Variants in GTF3C1 observed in about 807,000 individuals in gnomAD.
The protein encoded by GTF3C1 is general transcription factor IIIC subunit 1.
GTF3C1 carries 57 observed loss-of-function variants against 226.7 expected under a neutral mutation model. The observed-to-expected ratio is 0.25, with a 90% CI of 0.20 to 0.31. GTF3C1 has a LOEUF of 0.31. Among genes scored for constraint, GTF3C1 ranks in the 10% least tolerant of loss-of-function variants. The pLI, the probability that GTF3C1 is intolerant of heterozygous loss-of-function variation, is 1.00. For missense variants in GTF3C1, 2,217 were observed against 2,776.1 expected, an observed-to-expected ratio of 0.80 and a Z score of 4.53; for synonymous variants, 1,090 against 1,084.8, an observed-to-expected ratio of 1.00 and a Z score of -0.09.
In GTF3C1 at chr16:27,538,971, T is replaced by TACAC. The variant is rs59679436; in HGVS notation, c.432-619_432-616dup. 4.0e-3 allele frequency among the ~76,000 whole-genome samples: 502 copies of TACAC among 124,608 alleles called. 2 individuals are homozygous for TACAC. The highest frequency in any genetic ancestry group is 6.6e-3 in the East Asian group (28 of 4,222). 81.7% of individuals were successfully genotyped at this position (124,608 alleles called of 152,430 possible). Reference sequence around the variant, plus strand: ...AGAAATGACTATATATACACACATATACACACACACACACACACACACACA... The same window carrying TACAC: ...AGAAATGACTATATATACACACATATACACACACACACACACACACACACACACA... On this transcript the variant is annotated intron_variant, in intron 2 of 36. Transcript: ENST00000356183.
Position 27,471,683 on chromosome 16 carries a change from G to T in GTF3C1, c.4526+65C>A. 1 of 1,297,700 alleles carries T rather than the reference G, an allele frequency of 7.7e-7. No individual in the cohort carries two copies. The highest frequency in any genetic ancestry group is 1.1e-6 in the Non-Finnish European group (1 of 904,210). The allele number at this position is 1,297,700 out of a possible 1,614,324, so 80.4% of individuals were successfully genotyped here. On this transcript the variant is annotated intron_variant, in intron 30 of 36. Coordinates refer to ENST00000356183, the MANE Select transcript of GTF3C1 (RefSeq NM_001520.4). The surrounding 1 kb of genome is among the most constrained non-coding windows in gnomAD (Gnocchi z 5.0). ...CTTTCATGGCCACAGTGCTTCCTTT[G>T]CTCCTCTTTACAGACAGGGCGTGGC...
At chr16:27,535,770 C>T (rs2088991244) in intron 4 of GTF3C1, among the ~76,000 whole-genome samples, 2 of 151,986 alleles carry the variant, frequency 1.3e-5, no homozygotes, top group South Asian at 4.1e-4. Flanking sequence ...ATCGCTTGAG[C>T]CCTGGAGGCA....
rs2228248 is a variant in GTF3C1 at position 27,461,451 on chromosome 16, C to T, written c.6229G>A (p.Glu2077Lys). 0.14 allele frequency: 220,667 copies of T among 1,613,640 alleles called. 16,579 individuals carry two copies. The highest frequency in any genetic ancestry group is 0.17 in the Middle Eastern group (1,041 of 6,060). Residue 2077 changes from glutamate to lysine, a missense_variant, in exon 37 of 37, where the codon GAG (glutamate) becomes AAG (lysine). Glu to Lys is a moderately conservative substitution (Grantham distance 56). Around this residue, in one of 12 missense-constraint regions of GTF3C1, gnomAD observed 153 missense variants for 199.8 expected, o/e 0.77. Transcript: ENST00000356183. The surrounding 1 kb of genome is among the most constrained non-coding windows in gnomAD (Gnocchi z 5.3). ...EEVEVPSSLDESPMAFYEPTL... is the reference protein window; with the variant it reads ...EEVEVPSSLDKSPMAFYEPTL... Reference sequence around the variant, plus strand: ...GGCTCATAGAAAGCCATGGGGCTCTCGTCCAGGCTGGAGGGCACTTCCACC... The same window carrying T: ...GGCTCATAGAAAGCCATGGGGCTCTTGTCCAGGCTGGAGGGCACTTCCACC...
At position 27,465,416 on chromosome 16, in the gene GTF3C1, C is replaced by A; in HGVS notation, c.5199G>T (p.Gly1733=). ...CAGCAGTCAGGTCTTCGGGACTATACCCAGACAGCTCCAGCTGGAGGACAA... is the reference window on the plus strand; with the variant it reads ...CAGCAGTCAGGTCTTCGGGACTATAACCAGACAGCTCCAGCTGGAGGACAA... ...EEFVLQLELS[G]YSPEDLTAAL... The change falls in exon 33 of 37, where the codon GGG becomes GGT. Residue 1733 remains glycine, a synonymous_variant. Coordinates refer to ENST00000356183, the MANE Select transcript of GTF3C1 (RefSeq NM_001520.4). The A allele has an allele frequency of 6.2e-7, 1 of 1,613,976 alleles. No homozygotes were observed. Among genetic ancestry groups the A allele is most frequent in the Non-Finnish European group, 8.5e-7 (1 of 1,179,940 alleles).
At position 27,486,006 on chromosome 16, in the gene GTF3C1, G is replaced by C; in HGVS notation, c.3849C>G (p.Leu1283=). 6.2e-7 allele frequency: 1 copy of C among 1,608,030 alleles called. No homozygotes were observed. Among genetic ancestry groups the C allele is most frequent in the Non-Finnish European group, 8.5e-7 (1 of 1,176,220 alleles). ...LVLCRIASNV[L]NTKVKGPFVT... is the part of the protein sequence containing the mutation. The stretch of plus-strand genomic sequence containing the variant: ...CTGGGCTGGTTGGTACCTTGGTGTT[G>C]AGGACATTGCTGGCAATGCGGCACA... The change falls in exon 24 of 37, where the codon CTC becomes CTG. Residue 1283 remains leucine, a synonymous_variant. Coordinates refer to ENST00000356183, the MANE Select transcript of GTF3C1 (RefSeq NM_001520.4).
intron 20 of GTF3C1, 144 bp from the exon 21 acceptor site, chr16:27,489,322 G>A: frequency 2.3e-6 from 2 of 878,250 alleles, no homozygotes; most frequent in Non-Finnish European, 3.4e-6. Context: ...TGAAGAACTT[G>A]GGGGCCCTAA....
chr16:27,469,184 A>T lies in GTF3C1; in HGVS notation c.5074+107T>A. ...GTTTTTCTGTGTGTTCTGTGGCTGC[A>T]CGCCTGGCCTGGGGAGCCTGAAGGT... On this transcript the variant is annotated intron_variant, in intron 32 of 36. Coordinates refer to ENST00000356183, the MANE Select transcript of GTF3C1 (RefSeq NM_001520.4). This position sits in a 1 kb window ranked among gnomAD's most constrained non-coding sequence, Gnocchi z 4.5. 1.3e-5 allele frequency: 14 copies of T among 1,108,116 alleles called. No individual in the cohort carries two copies. The highest frequency in any genetic ancestry group is 2.6e-5 in the East Asian group (1 of 38,312). The allele number at this position is 1,108,116 out of a possible 1,614,324, so 68.6% of individuals were successfully genotyped here. A position where few individuals can be genotyped will look rare whatever the true frequency, so the allele number is the denominator to read the frequency against.
intron 4 of GTF3C1, among the ~76,000 whole-genome samples, chr16:27,534,780 T>C (rs1190924060): frequency 6.6e-6 from 1 of 152,202 alleles, no homozygotes; most frequent in Non-Finnish European, 1.5e-5. Context: ...GATGCTTCTC[T>C]CTAATACTGT....
At chr16:27,466,919 A>C (rs1271074977) in intron 32 of GTF3C1, among the ~76,000 whole-genome samples, 1 of 152,244 alleles carries the variant, frequency 6.6e-6, no homozygotes, top group Non-Finnish European at 1.5e-5. Flanking sequence ...AGGAAGATGC[A>C]GAAGAAAACT....
intron 13 of GTF3C1, among the ~76,000 whole-genome samples, chr16:27,498,394 G>C (rs2088352683): frequency 6.6e-6 from 1 of 152,320 alleles, no homozygotes; most frequent in Admixed American, 6.5e-5. Context: ...CTATGATGGG[G>C]AGTGCTCTGT....
At chr16:27,548,093 T>C (rs2089189540) in intron 1 of GTF3C1, among the ~76,000 whole-genome samples, 1 of 152,168 alleles carries the variant, frequency 6.6e-6, no homozygotes, top group Admixed American at 6.6e-5. Flanking sequence ...CTAAGGTTTC[T>C]GTAAAAATTA....
chr16:27,527,385 G>A (rs959575823), intron 6 of GTF3C1, among the ~76,000 whole-genome samples: 1 of 152,132 alleles, frequency 6.6e-6, no homozygotes, highest in Non-Finnish European at 1.5e-5. Context: ...GTTTCACCAT[G>A]TTAGCCAGGC....
At chr16:27,503,046 G>C in intron 10 of GTF3C1, 51 bp from the exon 11 acceptor site, 1 of 1,483,936 alleles carries the variant, frequency 6.7e-7, no homozygotes, top group Non-Finnish European at 9.4e-7. Context: ...CAAGGCTTGG[G>C]GGCCACGCAC....
At chr16:27,505,769 C>T (rs554869899) in intron 10 of GTF3C1, 130 bp downstream of exon 10, 3 of 645,758 alleles carry the variant, frequency 4.6e-6, no homozygotes, top group Non-Finnish European at 8.3e-6. Flanking sequence ...CTGGGAAGCA[C>T]AGGCAGGCCT....
At chr16:27,493,749 T>C (rs929269106) in intron 16 of GTF3C1, among the ~76,000 whole-genome samples, 2 of 152,076 alleles carry the variant, frequency 1.3e-5, no homozygotes, top group Non-Finnish European at 2.9e-5. Context: ...TACTCAACAG[T>C]AGTAAGAAAG....
chr16:27,531,392 T>C lies in GTF3C1; in HGVS notation c.849+1899A>G, dbSNP rs570368226. Reference sequence around the variant, plus strand: ...AAATGCCACTTCCCCTCTGTCTATGTGGGGAAAAGCCCAGCTCAACTGTGC... The same window carrying C: ...AAATGCCACTTCCCCTCTGTCTATGCGGGGAAAAGCCCAGCTCAACTGTGC... On this transcript the variant is annotated intron_variant, in intron 5 of 36. Transcript: ENST00000356183. Among the ~76,000 whole-genome samples the C allele has an allele frequency of 2.0e-5, 3 of 152,336 alleles. No individual in the cohort carries two copies. In the South Asian group the frequency reaches 6.2e-4, roughly 32 times the overall value.
chr16:27,476,636 A>C, intron 28 of GTF3C1, 92 bp from the exon 29 acceptor site: 2 of 717,000 alleles, frequency 2.8e-6, no homozygotes, highest in Non-Finnish European at 5.0e-6. Flanking sequence ...CTTGAATCTC[A>C]CAAAAGGGAC....
Position 27,538,245 on chromosome 16 carries a change from C to T in GTF3C1, c.543G>A (p.Leu181=). The change falls in exon 3 of 37, where the codon CTG becomes CTA. Residue 181 remains leucine (L), a synonymous_variant. Transcript: ENST00000356183. The part of the protein sequence containing the change: ...LKLPDFSYCI[L]ERLGRSRWQG... ...GCCACCTGGACCGGCCTAGCCGTTCCAGGATGCAGTAGGAGAAGTCGGGCA... is the reference window on the plus strand; with the variant it reads ...GCCACCTGGACCGGCCTAGCCGTTCTAGGATGCAGTAGGAGAAGTCGGGCA... 6.2e-7 allele frequency: 1 copy of T among 1,612,464 alleles called. No individual in the cohort carries two copies. The highest frequency in any genetic ancestry group is 1.7e-5 in the Admixed American group (1 of 59,942).
At chr16:27,485,558 A>G (rs1314614138) in intron 24 of GTF3C1, among the ~76,000 whole-genome samples, 9 of 152,238 alleles carry the variant, frequency 5.9e-5, no homozygotes, top group Admixed American at 5.9e-4. Context: ...GGAGCAGGCC[A>G]GGGTTAGACT....
Sources: gnomAD v4.1 joint callset for allele counts (sites outside exome capture counted in the v4.1 genomes callset) on GRCh38, gnomAD v4.1.1 for gene constraint, gnomAD v4.1.1 regional missense constraint, Gnocchi (gnomAD v3.1) non-coding constraint, MANE v1.5 for transcripts, NCBI Gene and HGNC (gene_info 2026-07-23, HGNC 2026-07-21) for gene names.